Variants in LRRC4C observed in about 807,000 individuals in gnomAD.
LRRC4C encodes leucine rich repeat containing 4C, also known as leucine-rich repeat-containing protein 4C.
A neutral mutation model predicts 33.6 loss-of-function variants in LRRC4C; 5 were observed. That is an observed-to-expected ratio of 0.15 (90% CI 0.08 to 0.31). The LOEUF is 0.31. LRRC4C is among the 10% of genes least tolerant of loss of function. The pLI, the probability that LRRC4C is intolerant of heterozygous loss-of-function variation, is 1.00. For missense variants in LRRC4C, 560 were observed against 796.7 expected (o/e 0.70, Z 3.58); for synonymous variants, 329 against 302.0 (o/e 1.09, Z -0.93).
At chr11:40,812,597 T>C (rs1362425949) in intron 2 of LRRC4C, among the ~76,000 whole-genome samples, 1 of 151,968 alleles carries the variant, frequency 6.6e-6, no homozygotes, top group African/African-American at 2.4e-5. Context: ...TTCTCAAACA[T>C]AAAAATAAGA....
At chr11:41,043,628 A>G (rs566419879) in intron 1 of LRRC4C, among the ~76,000 whole-genome samples, 3 of 129,228 alleles carry the variant, frequency 2.3e-5, no homozygotes, top group Middle Eastern at 4.0e-3. Flanking sequence ...TAAACATGAA[A>G]AAACCAAGGC....
intron 1 of LRRC4C, among the ~76,000 whole-genome samples, chr11:41,244,057 T>C (rs569320584): frequency 3.9e-5 from 6 of 152,242 alleles, no homozygotes; most frequent in Middle Eastern, 3.4e-3. Context: ...ACTTAATTTA[T>C]AGTCAGATAA....
intron 5 of LRRC4C, among the ~76,000 whole-genome samples, chr11:40,146,514 CAT>C (rs1297653737): frequency 6.6e-6 from 1 of 152,108 alleles, no homozygotes; most frequent in Non-Finnish European, 1.5e-5. Flanking sequence ...ACAATTTCCA[CAT>C]GTCTCTGACT....
chr11:40,722,477 A>T (rs1196394389), intron 2 of LRRC4C, among the ~76,000 whole-genome samples: 1 of 152,190 alleles, frequency 6.6e-6, no homozygotes, highest in African/African-American at 2.4e-5. Flanking sequence ...CCTGTCTACA[A>T]CCAAGAAACC....
intron 3 of LRRC4C, among the ~76,000 whole-genome samples, chr11:40,365,653 A>G (rs1948176449): frequency 6.6e-6 from 1 of 152,070 alleles, no homozygotes; most frequent in South Asian, 2.1e-4. Context: ...AGTATGTTAC[A>G]AGAAGTAAAT....
intron 1 of LRRC4C, among the ~76,000 whole-genome samples, chr11:41,059,452 C>T (rs575773329): frequency 1.0e-3 from 159 of 151,828 alleles, no homozygotes; most frequent in Non-Finnish European, 1.8e-3. Context: ...AAATAATGTA[C>T]GTGGTAGAGA....
At chr11:40,905,162 T>C (rs773694325) in intron 2 of LRRC4C, among the ~76,000 whole-genome samples, 6 of 152,164 alleles carry the variant, frequency 3.9e-5, no homozygotes, top group Non-Finnish European at 7.3e-5. Flanking sequence ...TTGAATGTTT[T>C]GGTGGGAAAA....
At chr11:41,429,068 G>A (rs1322275173) in intron 1 of LRRC4C, among the ~76,000 whole-genome samples, 1 of 152,172 alleles carries the variant, frequency 6.6e-6, no homozygotes, top group African/African-American at 2.4e-5. Flanking sequence ...CCAGTGGGTT[G>A]TAATTTGATC....
rs1943494667 is a variant in LRRC4C, at chr11:41,141,316, C to T, written c.-495-207593G>A. Among the ~76,000 whole-genome samples the T allele has an allele frequency of 1.3e-5, 2 of 151,884 alleles. 1 individual carries two copies. Among genetic ancestry groups the T allele is most frequent in the Admixed American group, 1.3e-4 (2 of 15,248 alleles). On this transcript the variant is annotated intron_variant, in intron 1 of 6. Coordinates refer to ENST00000528697, the MANE Select transcript of LRRC4C (RefSeq NM_001258419.2). ...TGCTAGCAACACCTCTGCCCTGCTC[C>T]CAACAGAGCCACTCTACCTTATCTG...
chr11:41,234,768 G>A (rs1043115429), intron 1 of LRRC4C, among the ~76,000 whole-genome samples: 1 of 151,982 alleles, frequency 6.6e-6, no homozygotes, highest in Non-Finnish European at 1.5e-5. Context: ...GAAGGACTAT[G>A]GGTAGCTGCA....
At chr11:40,502,485 C>A (rs1023042250) in intron 3 of LRRC4C, among the ~76,000 whole-genome samples, 1 of 152,124 alleles carries the variant, frequency 6.6e-6, no homozygotes, top group Non-Finnish European at 1.5e-5. Context: ...GTGAAAGGCA[C>A]TTCTTACAGG....
At position 41,355,283 on chromosome 11, in the gene LRRC4C, G is replaced by T. The variant is rs74535907; in HGVS notation, c.-496+104148C>A. ...ACTTGGGAACAAAAAGAAGGGGAAAGAAAACAACTACATCTCATCTTTCAC... is the reference window on the plus strand; with the variant it reads ...ACTTGGGAACAAAAAGAAGGGGAAATAAAACAACTACATCTCATCTTTCAC... On this transcript the variant is annotated intron_variant, in intron 1 of 6. Transcript: ENST00000528697. 4.2e-3 allele frequency among the ~76,000 whole-genome samples: 646 copies of T among 152,056 alleles called. 3 individuals carry two copies. Among genetic ancestry groups the T allele is most frequent in the African/African-American group, 0.014 (568 of 41,510 alleles).
chr11:40,228,404 A>G (rs1461466535), intron 5 of LRRC4C, among the ~76,000 whole-genome samples: 1 of 152,196 alleles, frequency 6.6e-6, no homozygotes, highest in East Asian at 1.9e-4. Flanking sequence ...TACAAGATGC[A>G]CTGTCATGTG....
intron 2 of LRRC4C, among the ~76,000 whole-genome samples, chr11:40,924,209 G>A (rs1287953386): frequency 1.3e-5 from 2 of 151,526 alleles, no homozygotes; most frequent in African/African-American, 4.8e-5. Context: ...CCAAAGTATG[G>A]CCCTCACACC....
chr11:41,322,566 T>G (rs1185418716), intron 1 of LRRC4C, among the ~76,000 whole-genome samples: 10 of 152,172 alleles, frequency 6.6e-5, no homozygotes, highest in Non-Finnish European at 1.5e-4. Flanking sequence ...CTATTTGTCT[T>G]CATTTATGTT....
Position 41,150,922 on chromosome 11 carries a change from T to C in LRRC4C, c.-495-217199A>G, listed in dbSNP as rs1358511796. Among the ~76,000 whole-genome samples, 3 of 152,008 alleles carry C rather than the reference T, an allele frequency of 2.0e-5. No individual in the cohort carries two copies. In the East Asian group the frequency reaches 5.8e-4, roughly 29 times the overall value. On this transcript the variant is annotated intron_variant, in intron 1 of 6. Transcript: ENST00000528697. The stretch of plus-strand genomic sequence containing the variant: ...AACATACAGATGATGGGAGAAAAAA[T>C]TGGAAATGTCTCCTAATTCAACCAC...
intron 5 of LRRC4C, among the ~76,000 whole-genome samples, chr11:40,210,943 T>G (rs972095505): frequency 3.3e-5 from 5 of 151,884 alleles, no homozygotes; most frequent in African/African-American, 2.4e-5. Flanking sequence ...TGGCTAATTT[T>G]TTTTTGTATT....
intron 3 of LRRC4C, among the ~76,000 whole-genome samples, chr11:40,537,463 C>T (rs1277617779): frequency 6.6e-6 from 1 of 152,098 alleles, no homozygotes; most frequent in Non-Finnish European, 1.5e-5. Context: ...ATACTATATC[C>T]CAAATTAAAT....
At chr11:41,056,452 G>C (rs1451066275) in intron 1 of LRRC4C, among the ~76,000 whole-genome samples, 1 of 152,100 alleles carries the variant, frequency 6.6e-6, no homozygotes, top group Non-Finnish European at 1.5e-5. Flanking sequence ...CACATCAAAA[G>C]ACATTATCAA....
Sources: gnomAD v4.1 joint callset for allele counts (sites outside exome capture counted in the v4.1 genomes callset) on GRCh38, gnomAD v4.1.1 for gene constraint, MANE v1.5 for transcripts, NCBI Gene and HGNC (gene_info 2026-07-23, HGNC 2026-07-21) for gene names.